Variants in SRGAP3 observed in about 807,000 individuals in gnomAD.
The protein encoded by SRGAP3 is SLIT-ROBO Rho GTPase activating protein 3, also known as SLIT-ROBO Rho GTPase-activating protein 3.
In SRGAP3, 39 loss-of-function variants were observed where a neutral mutation model predicts 121.1. The observed-to-expected ratio is 0.32, with a 90% confidence interval of 0.25 to 0.42. The LOEUF (loss-of-function observed/expected upper bound fraction) is 0.42, where lower values mean the gene tolerates loss of function less well. Ranked by LOEUF, SRGAP3 falls within the 10% of genes least tolerant of loss-of-function variation. The pLI, the probability that SRGAP3 is intolerant of heterozygous loss-of-function variation, is 1.00. For missense variants in SRGAP3, 1,213 were observed against 1,470.6 expected (o/e 0.82, Z 2.86); for synonymous variants, 601 against 570.0 (o/e 1.05, Z -0.77).
At chr3:9,055,456 G>A (rs1945775339) in intron 8 of SRGAP3, among the ~76,000 whole-genome samples, 1 of 152,324 alleles carries the variant, frequency 6.6e-6, no homozygotes, top group Non-Finnish European at 1.5e-5. Flanking sequence ...GGAATAGGAT[G>A]TTTCCCATCT....
intron 1 of SRGAP3, among the ~76,000 whole-genome samples, chr3:9,339,352 G>C (rs1955744665): frequency 6.6e-6 from 1 of 152,226 alleles, no homozygotes. Flanking sequence ...AAGGCAGGGA[G>C]CTTAAATCTT....
intron 1 of SRGAP3, among the ~76,000 whole-genome samples, chr3:9,166,516 G>C (rs533951568): frequency 6.6e-6 from 1 of 152,086 alleles, no homozygotes; most frequent in African/African-American, 2.4e-5. Context: ...TGGATGTGAC[G>C]GTGACCCAGC....
At chr3:9,052,990 G>A (rs1332990142) in intron 9 of SRGAP3, 37 bp downstream of exon 9, 1 of 1,606,424 alleles carries the variant, frequency 6.2e-7, no homozygotes, top group South Asian at 1.1e-5. Flanking sequence ...CAGTGGCTTG[G>A]CCGACAGTGT....
intron 3 of SRGAP3, chr3:9,325,950 A>C (rs1281371784): frequency 6.6e-6 from 1 of 152,048 alleles, no homozygotes; most frequent in Non-Finnish European, 1.5e-5. Context: ...TGTGGGGAAA[A>C]GCTGTTCACA....
At chr3:9,350,435 G>A (rs1278822424) in intron 1 of SRGAP3, among the ~76,000 whole-genome samples, 2 of 152,178 alleles carry the variant, frequency 1.3e-5, no homozygotes, top group Non-Finnish European at 2.9e-5. Context: ...AGGAGAAGAA[G>A]GTTAGAGTAA....
chr3:9,024,034 G>C (rs1944059178), intron 14 of SRGAP3, among the ~76,000 whole-genome samples: 1 of 152,320 alleles, frequency 6.6e-6, no homozygotes, highest in East Asian at 1.9e-4. Flanking sequence ...TCAAGAGGCA[G>C]CTCCTTTGGG....
intron 1 of SRGAP3, among the ~76,000 whole-genome samples, chr3:9,166,052 A>C (rs1379543134): frequency 6.6e-6 from 1 of 152,218 alleles, no homozygotes; most frequent in African/African-American, 2.4e-5. Flanking sequence ...TGAGTAGTGA[A>C]TGAATGAATC....
rs544032525 is a variant in SRGAP3, at chr3:9,062,293, C to G, written c.673-1934G>C. Among the ~76,000 whole-genome samples, 5 of 152,266 alleles carry G rather than the reference C, an allele frequency of 3.3e-5. No homozygotes were observed. In the East Asian group the frequency reaches 9.6e-4, roughly 29 times the overall value. ...CTTGCCCAAGAGCCAAGTAGCTAATCGAACCAAAAATACAACTCTGAACTA... is the reference window on the plus strand; with the variant it reads ...CTTGCCCAAGAGCCAAGTAGCTAATGGAACCAAAAATACAACTCTGAACTA... On this transcript the variant is annotated intron_variant, in intron 5 of 21. Transcript: ENST00000383836.
intron 3 of SRGAP3, among the ~76,000 whole-genome samples, chr3:9,281,765 C>T (rs988408764): frequency 6.6e-6 from 1 of 152,074 alleles, no homozygotes; most frequent in Non-Finnish European, 1.5e-5. Flanking sequence ...CTCCACCATC[C>T]GGGTTCAAGC....
At chr3:9,322,274 T>A (rs1241316153) in intron 3 of SRGAP3, among the ~76,000 whole-genome samples, 1 of 151,630 alleles carries the variant, frequency 6.6e-6, no homozygotes, top group African/African-American at 2.4e-5. Context: ...CTCAGCAAGA[T>A]TTGGGTACGT....
chr3:9,064,317 C>G lies in SRGAP3; in HGVS notation c.672+79G>C, dbSNP rs542564487. ...GGATGCAGGGGAATAAGGGGGAAGG[C>G]TAAGGCTGTCCGCCAAGACCATGGC... On this transcript the variant is annotated intron_variant, in intron 5 of 21. Coordinates refer to ENST00000383836, the MANE Select transcript of SRGAP3 (RefSeq NM_014850.4). 25 of 1,597,548 alleles carry G rather than the reference C, an allele frequency of 1.6e-5. No homozygotes were observed. The African/African-American group carries it at 2.7e-4, about 17-fold the overall frequency.
intron 1 of SRGAP3, among the ~76,000 whole-genome samples, chr3:9,238,699 T>A (rs1279460222): frequency 6.6e-6 from 1 of 152,100 alleles, no homozygotes; most frequent in Non-Finnish European, 1.5e-5. Flanking sequence ...CCGGATCCCT[T>A]CCCCAGGCAG....
chr3:9,312,345 C>T lies in SRGAP3; in HGVS notation n.442+13665G>A, dbSNP rs376034567. On this transcript the variant is annotated intron_variant and non_coding_transcript_variant, in intron 3 of 3. Transcript: ENST00000490889. The stretch of plus-strand genomic sequence containing the variant: ...AATTTTTTTGTATTTTTAGTAGAGA[C>T]GGAGTTTCACCATGTTGGCCAGGCT... Among the ~76,000 whole-genome samples the T allele has an allele frequency of 1.2e-3, 176 of 152,188 alleles. 2 individuals are homozygous for T. In the South Asian group the frequency reaches 0.024, roughly 21 times the overall value.
chr3:9,099,604 A>C (rs563651645), intron 3 of SRGAP3, among the ~76,000 whole-genome samples: 55 of 152,352 alleles, frequency 3.6e-4, no homozygotes, highest in Middle Eastern at 3.4e-3. Flanking sequence ...TGCATTTGCC[A>C]AACATGAGCC....
chr3:9,032,877 C>T (rs530779293), intron 11 of SRGAP3, 125 bp from the exon 12 acceptor site: 3 of 836,420 alleles, frequency 3.6e-6, no homozygotes, highest in Admixed American at 2.2e-5. Context: ...CCTGACCCCC[C>T]GCCAAGACAT....
chr3:9,211,164 T>A (rs1368457775), intron 1 of SRGAP3, among the ~76,000 whole-genome samples: 1 of 152,138 alleles, frequency 6.6e-6, no homozygotes, highest in Non-Finnish European at 1.5e-5. Flanking sequence ...ATTATTTTTA[T>A]AATTAAAGAT....
intron 11 of SRGAP3, chr3:9,034,612 A>C (rs183554046): frequency 6.6e-6 from 1 of 152,402 alleles, no homozygotes; most frequent in East Asian, 1.9e-4. Context: ...GAAACAAAAT[A>C]ACAGCACAGA....
At chr3:9,066,174 C>T (rs1157109303) in intron 4 of SRGAP3, among the ~76,000 whole-genome samples, 1 of 152,184 alleles carries the variant, frequency 6.6e-6, no homozygotes, top group East Asian at 1.9e-4. Context: ...GGCTGGGCTG[C>T]TCCATACCAA....
intron 1 of SRGAP3, among the ~76,000 whole-genome samples, chr3:9,171,909 T>A (rs966846286): frequency 6.6e-6 from 1 of 151,896 alleles, no homozygotes; most frequent in African/African-American, 2.4e-5. Context: ...TGAGGGTGAA[T>A]CTGTTCTATG....
Sources: allele counts gnomAD v4.1 joint callset (sites outside exome capture counted in the v4.1 genomes callset), GRCh38; gene constraint gnomAD v4.1.1; transcripts MANE v1.5; gene names NCBI Gene and HGNC (gene_info 2026-07-23, HGNC 2026-07-21).